SLC29A4: variants seen among roughly 807,000 people sequenced by gnomAD.
SLC29A4 encodes the protein solute carrier family 29 member 4.
Under a neutral mutation model 43.9 loss-of-function variants are expected in SLC29A4, and 36 were observed. The ratio of observed to expected loss-of-function variants is 0.82; its 90% confidence interval spans 0.63 to 1.08. SLC29A4 has a LOEUF of 1.08. Among genes scored for constraint, SLC29A4 ranks in the 50% least tolerant of loss-of-function variants. SLC29A4 has a pLI of 0.00. For synonymous variants in SLC29A4, 491 were observed against 338.0 expected (o/e 1.45, Z -4.97); for missense variants, 869 against 755.3 (o/e 1.15, Z -1.77).
chr7:5,284,835 G>A (rs1271765864), intron 1 of SLC29A4, among the ~76,000 whole-genome samples: 1 of 152,246 alleles, frequency 6.6e-6, no homozygotes, highest in East Asian at 1.9e-4. Flanking sequence ...CTGGCTGGAT[G>A]CCAAGCACGT....
Position 5,302,834 on chromosome 7 carries a change from G to T in SLC29A4, c.1488G>T (p.Thr496=). ...TMTVSYMSGL[T]LGSAVAYCTY... ...CCGTGTCCTACATGTCAGGGCTGAC[G>T]CTGGGGTCCGCCGTGGCCTACTGCA... Residue 496 remains threonine, a synonymous_variant, in exon 11 of 11, where the codon ACG becomes ACT. Transcript: ENST00000396872. The T allele has an allele frequency of 6.3e-7, 1 of 1,578,212 alleles. No individual in the cohort carries two copies. Among genetic ancestry groups the T allele is most frequent in the Non-Finnish European group, 8.6e-7 (1 of 1,162,318 alleles).
chr7:5,284,843 C>T (rs1288025008), intron 1 of SLC29A4, among the ~76,000 whole-genome samples: 4 of 152,202 alleles, frequency 2.6e-5, no homozygotes, highest in South Asian at 2.1e-4. Context: ...ATGCCAAGCA[C>T]GTCCGCCTTC....
intron 6 of SLC29A4, among the ~76,000 whole-genome samples, chr7:5,296,386 G>C (rs903597402): frequency 8.6e-5 from 13 of 150,794 alleles, no homozygotes; most frequent in Non-Finnish European, 1.5e-4. Flanking sequence ...CCATGGTGGG[G>C]GTGTGTGAGC....
chr7:5,294,963 G>A, intron 6 of SLC29A4, 29 bp downstream of exon 6: 1 of 1,588,904 alleles, frequency 6.3e-7, no homozygotes, highest in Non-Finnish European at 8.5e-7. Context: ...CCCGGGGAGG[G>A]GGTGCTGGGC....
intron 2 of SLC29A4, among the ~76,000 whole-genome samples, chr7:5,290,416 C>T (rs1371633611): frequency 6.6e-6 from 1 of 152,122 alleles, no homozygotes; most frequent in Admixed American, 6.6e-5. Flanking sequence ...AGGCTGGTCT[C>T]GAACTCCTGA....
At chr7:5,284,120 T>C (rs1387202444) in intron 1 of SLC29A4, among the ~76,000 whole-genome samples, 3 of 148,786 alleles carry the variant, frequency 2.0e-5, no homozygotes, top group Non-Finnish European at 4.4e-5. Context: ...AAGCAGTGGC[T>C]CACTCCTGTA....
intron 7 of SLC29A4, among the ~76,000 whole-genome samples, 200 bp downstream of exon 7, chr7:5,297,398 CGTG>C (rs987539809): frequency 2.0e-5 from 3 of 152,224 alleles, no homozygotes; most frequent in African/African-American, 7.2e-5. Context: ...CCCCACGTCT[CGTG>C]GCCTAAGGCC....
At chr7:5,288,298 C>CTTTTTTTTTTTTTTTT (rs34436127) in intron 2 of SLC29A4, among the ~76,000 whole-genome samples, 1 of 68,756 alleles carries the variant, frequency 1.5e-5, no homozygotes, top group Non-Finnish European at 2.6e-5. Context: ...CGTACAGCTT[C>CTTTTTTTTTTTTTTTT]TTTTTTTTTT....
rs1372228317 is a variant in SLC29A4 at position 5,306,203 on chromosome 7, T to C, written c.*3264T>C. On this transcript the variant is annotated 3_prime_UTR_variant, in exon 11 of 11. Coordinates refer to ENST00000396872, the MANE Select transcript of SLC29A4 (RefSeq NM_153247.4). ...ATTTGTTCAATTTCTTTTTTTTTTT[T>C]TTTTTTTTTTTTTGAGACAATCTCT... is the stretch of plus-strand genomic sequence containing the variant. 7.0e-6 allele frequency: 1 copy of C among 141,908 alleles called. No individual in the cohort carries two copies. The highest frequency in any genetic ancestry group is 1.5e-5 in the Non-Finnish European group (1 of 65,216). 8.8% of individuals were successfully genotyped at this position (141,908 alleles called of 1,614,324 possible).
chr7:5,290,398 T>C (rs1276670499), intron 2 of SLC29A4, among the ~76,000 whole-genome samples: 2 of 152,150 alleles, frequency 1.3e-5, no homozygotes, highest in African/African-American at 2.4e-5. Flanking sequence ...GGTTTCACCA[T>C]GTTGGCCAGG....
At chr7:5,298,883 C>T in intron 7 of SLC29A4, 105 bp from the exon 8 acceptor site, 4 of 1,302,308 alleles carry the variant, frequency 3.1e-6, no homozygotes, top group South Asian at 1.4e-5. Context: ...ACCTGAATGT[C>T]AGCGCCAGCC....
rs117964619 is a variant in SLC29A4 at position 5,295,274 on chromosome 7, C to T, written c.619+340C>T. ...TGCGCGTGTGTTAGGAGGTGGGCCC[C>T]GTCCATGGCCGTGATGTCATGCACA... On this transcript the variant is annotated intron_variant, in intron 6 of 10. Coordinates refer to ENST00000396872, the MANE Select transcript of SLC29A4 (RefSeq NM_153247.4). Among the ~76,000 whole-genome samples the T allele has an allele frequency of 4.9e-4, 75 of 152,078 alleles. No homozygotes were observed. The East Asian group carries it at 0.011, about 23-fold the overall frequency.
chr7:5,298,982 C>A lies in SLC29A4; in HGVS notation c.883-6C>A, dbSNP rs922524052. The stretch of plus-strand genomic sequence containing the variant: ...CCAACCCCATCCCACTCCATCCTCC[C>A]TCCAGGAGCACCCAGCCCCGGCCCT... On this transcript the variant is annotated splice_polypyrimidine_tract_variant and splice_region_variant and intron_variant, in intron 7 of 10. Transcript: ENST00000396872. The A allele has an allele frequency of 4.4e-6, 7 of 1,607,378 alleles. No homozygotes were observed. Among genetic ancestry groups the A allele is most frequent in the Admixed American group, 3.3e-5 (2 of 59,930 alleles).
intron 9 of SLC29A4, among the ~76,000 whole-genome samples, chr7:5,300,062 G>C (rs1465960030): frequency 2.6e-5 from 4 of 151,910 alleles, no homozygotes; most frequent in Non-Finnish European, 5.9e-5. Flanking sequence ...AAAAAAACAA[G>C]CAAACGAACA....
At chr7:5,296,911 C>A (rs1292115039) in intron 6 of SLC29A4, 25 bp from the exon 7 acceptor site, 2 of 1,568,018 alleles carry the variant, frequency 1.3e-6, no homozygotes, top group South Asian at 2.3e-5. Flanking sequence ...GGATCAGGCC[C>A]CGGCCCACTG....
At chr7:5,299,808 C>T (rs866759165) in intron 9 of SLC29A4, among the ~76,000 whole-genome samples, 3 of 152,324 alleles carry the variant, frequency 2.0e-5, no homozygotes, top group African/African-American at 7.2e-5. Flanking sequence ...CCTAGCACTT[C>T]AGGAGGCCAG....
Position 5,306,162 on chromosome 7 carries a change from A to AT in SLC29A4, c.*3229dup, listed in dbSNP as rs1390039778. 2 of 109,118 alleles carry AT rather than the reference A, an allele frequency of 1.8e-5. No homozygotes were observed. The highest frequency in any genetic ancestry group is 3.5e-5 in the African/African-American group (1 of 28,884). The allele number at this position is 109,118 out of a possible 1,614,324, so 6.8% of individuals were successfully genotyped here. A position where few individuals can be genotyped will look rare whatever the true frequency, so the allele number is the denominator to read the frequency against. On this transcript the variant is annotated 3_prime_UTR_variant, in exon 11 of 11. Coordinates refer to ENST00000396872, the MANE Select transcript of SLC29A4 (RefSeq NM_153247.4). ...CCGTGCCCATCCAACTTAACTTTTAATTTTTTCTCATGTAAATTTGTTCAA... is the reference window on the plus strand; with the variant it reads ...CCGTGCCCATCCAACTTAACTTTTAATTTTTTTCTCATGTAAATTTGTTCAA...
At chr7:5,302,457 C>G (rs925551157) in intron 10 of SLC29A4, among the ~76,000 whole-genome samples, 1 of 152,238 alleles carries the variant, frequency 6.6e-6, no homozygotes, top group East Asian at 1.9e-4. Context: ...GTGGGAGGAT[C>G]GCGTGAGCCC....
At position 5,294,811 on chromosome 7, in the gene SLC29A4, G is replaced by A. The variant is rs1344338199; in HGVS notation, c.545-49G>A. The A allele has an allele frequency of 3.8e-6, 6 of 1,587,700 alleles. No individual in the cohort carries two copies. In the African/African-American group the frequency reaches 8.2e-5, roughly 22 times the overall value. The stretch of plus-strand genomic sequence containing the variant: ...TTCTCTAGTGCATTTCTCCCAAGTT[G>A]ACAGGTGATAATGGTGCCTCTGGGT... On this transcript the variant is annotated intron_variant, in intron 5 of 10. Coordinates refer to ENST00000396872, the MANE Select transcript of SLC29A4 (RefSeq NM_153247.4).
Sources: gnomAD v4.1 joint callset for allele counts (sites outside exome capture counted in the v4.1 genomes callset) on GRCh38, gnomAD v4.1.1 for gene constraint, MANE v1.5 for transcripts, NCBI Gene and HGNC (gene_info 2026-07-23, HGNC 2026-07-21) for gene names.